Variants in NCF2 observed in about 807,000 individuals in gnomAD.
NCF2 encodes neutrophil cytosolic factor 2, also known as neutrophil cytosol factor 2.
A neutral mutation model predicts 70.9 loss-of-function variants in NCF2; 45 were observed. That is an observed-to-expected ratio of 0.63 (90% CI 0.50 to 0.81). NCF2 has a LOEUF of 0.81. Ranked by LOEUF, NCF2 falls within the 40% of genes least tolerant of loss-of-function variation. NCF2 has a pLI of 0.00. For missense variants in NCF2, 522 were observed against 631.6 expected (o/e 0.83, Z 1.86); for synonymous variants, 203 against 233.6 (o/e 0.87, Z 1.19).
At chr1:183,567,717 C>T (rs891796658) in intron 7 of NCF2, among the ~76,000 whole-genome samples, 4 of 152,064 alleles carry the variant, frequency 2.6e-5, no homozygotes, top group South Asian at 4.1e-4. Context: ...GTCAGGGGAA[C>T]AGCACAAAGC....
At chr1:183,567,426 G>T in intron 7 of NCF2, 81 bp from the exon 8 acceptor site, 1 of 1,581,010 alleles carries the variant, frequency 6.3e-7, no homozygotes, top group Non-Finnish European at 8.6e-7. Context: ...TGGAGCCAGG[G>T]ACTTGGCTCC....
At chr1:183,589,884 T>C (rs992058133) in intron 1 of NCF2, among the ~76,000 whole-genome samples, 5 of 152,030 alleles carry the variant, frequency 3.3e-5, no homozygotes, top group Admixed American at 2.0e-4. Flanking sequence ...TTCACAAAGG[T>C]GTTAAAGACA....
chr1:183,567,110 G>T, intron 8 of NCF2, 94 bp downstream of exon 8: 1 of 1,608,072 alleles, frequency 6.2e-7, no homozygotes, highest in Non-Finnish European at 8.5e-7. Context: ...AACTTGGCTG[G>T]TCTGCAAAGA....
rs187693381 is a variant in NCF2 at position 183,556,368 on chromosome 1, C to G, written c.1469-138G>C. 1,290 of 772,680 alleles carry G rather than the reference C, an allele frequency of 1.7e-3. 13 individuals are homozygous for G. The highest frequency in any genetic ancestry group is 6.4e-3 in the South Asian group (431 of 67,100). The allele number at this position is 772,680 out of a possible 1,614,324, so 47.9% of individuals were successfully genotyped here. ...GATCAACAGGGAAAAGACAGTATTG[C>G]AAAGTGGTTTGAGAGTGAACACAGG... On this transcript the variant is annotated intron_variant, in intron 14 of 14. Coordinates refer to ENST00000367535, the MANE Select transcript of NCF2 (RefSeq NM_000433.4).
intron 2 of NCF2, among the ~76,000 whole-genome samples, chr1:183,584,559 C>T (rs532901316): frequency 5.0e-4 from 76 of 152,300 alleles, no homozygotes; most frequent in African/African-American, 1.7e-3. Flanking sequence ...CTGGGACTCA[C>T]GGGCATTTTT....
intron 10 of NCF2, 139 bp downstream of exon 10, chr1:183,565,565 G>T: frequency 1.2e-6 from 1 of 802,120 alleles, no homozygotes; most frequent in Non-Finnish European, 2.1e-6. Context: ...GGGGATTCTG[G>T]GGCTGCGTGG....
intron 13 of NCF2, among the ~76,000 whole-genome samples, 169 bp downstream of exon 13, chr1:183,563,026 A>G (rs1158664854): frequency 1.3e-5 from 2 of 152,096 alleles, no homozygotes; most frequent in African/African-American, 4.8e-5. Context: ...CCCTGCTGCA[A>G]ATGGGGTGAG....
chr1:183,573,789 C>T (rs1419954738), intron 4 of NCF2, among the ~76,000 whole-genome samples: 1 of 152,214 alleles, frequency 6.6e-6, no homozygotes. Flanking sequence ...CACTCATTCA[C>T]AAAATCAAAA....
chr1:183,557,074 C>T (rs1353993997), intron 14 of NCF2, among the ~76,000 whole-genome samples: 1 of 152,120 alleles, frequency 6.6e-6, no homozygotes, highest in Non-Finnish European at 1.5e-5. Flanking sequence ...AGGCATTGTA[C>T]TTAAAAAATA....
chr1:183,573,288 T>A lies in NCF2; in HGVS notation c.506A>T (p.Gln169Leu). The A allele has an allele frequency of 6.2e-7, 1 of 1,613,984 alleles. No homozygotes were observed. The highest frequency in any genetic ancestry group is 8.5e-7 in the Non-Finnish European group (1 of 1,179,802). The change falls in exon 5 of 15, where the codon CAG becomes CTG. Residue 169 changes from glutamine (Q) to leucine (L), a missense_variant. Transcript: ENST00000367535. The stretch of plus-strand genomic sequence containing the variant: ...GATCACCACTGGCTCATATAGCTTC[T>A]GCTTCTGTAACACAGAAAACGTAGC... ...IDKAMECVWK[Q>L]KLYEPVVIPV... is the part of the protein sequence containing the mutation.
intron 6 of NCF2, among the ~76,000 whole-genome samples, 198 bp downstream of exon 6, chr1:183,570,582 A>T (rs887551317): frequency 6.6e-6 from 1 of 152,210 alleles, no homozygotes; most frequent in Non-Finnish European, 1.5e-5. Flanking sequence ...CTTGGGGTGA[A>T]GCCTGACACT....
Position 183,590,398 on chromosome 1 carries a change from C to A in NCF2, c.-69G>T, listed in dbSNP as rs776937532. 1.5e-5 allele frequency: 23 copies of A among 1,586,008 alleles called. No individual in the cohort carries two copies. In the South Asian group the frequency reaches 2.4e-4, roughly 17 times the overall value. On this transcript the variant is annotated 5_prime_UTR_variant, in exon 1 of 15. Transcript: ENST00000367535. ...GAGAGAAGACAGGTTGGAGCGTCTC[C>A]CCTAGCAGGGCTGCCTTAGTGGCCC...
In NCF2 at chr1:183,569,029, A is replaced by C. The variant is rs1036404416; in HGVS notation, c.713+113T>G. On this transcript the variant is annotated intron_variant, in intron 7 of 14. Transcript: ENST00000367535. ...CTAGAAGAAGCCTGACATTCCAGAA[A>C]ATTCAACAAGATTTAGACCCTGACC... 3.0e-6 allele frequency: 3 copies of C among 1,014,908 alleles called. No individual in the cohort carries two copies. The Admixed American group carries it at 5.4e-5, about 18-fold the overall frequency. 62.9% of individuals were successfully genotyped at this position (1,014,908 alleles called of 1,614,324 possible). A position where few individuals can be genotyped will look rare whatever the true frequency, so the allele number is the denominator to read the frequency against.
chr1:183,590,507 A>G (rs1411831352), upstream of NCF2: 3 of 713,854 alleles, frequency 4.2e-6, no homozygotes, highest in Non-Finnish European at 7.5e-6. Context: ...CAAATGCATC[A>G]GGAAATGTCC....
rs771126735 is a variant in NCF2, at chr1:183,565,781, T to C, written c.925-2A>G. 6.2e-7 allele frequency: 1 copy of C among 1,613,770 alleles called. No homozygotes were observed. Among genetic ancestry groups the C allele is most frequent in the Admixed American group, 1.7e-5 (1 of 60,012 alleles). ...GTCGGACTGCGGAGAGCTTTCCTCCTGAAGGCAACAGGGAGCGACGGTCAG... is the reference window on the plus strand; with the variant it reads ...GTCGGACTGCGGAGAGCTTTCCTCCCGAAGGCAACAGGGAGCGACGGTCAG... On this transcript the variant is annotated splice_acceptor_variant, in intron 9 of 14. Transcript: ENST00000367535. LOFTEE classifies it high-confidence loss of function.
chr1:183,592,312 T>A (rs911187619), upstream of NCF2, among the ~76,000 whole-genome samples: 1 of 152,224 alleles, frequency 6.6e-6, no homozygotes, highest in African/African-American at 2.4e-5. Context: ...GCTCTCTTCT[T>A]TGCCTGGCAA....
chr1:183,567,891 G>A (rs34453439), intron 7 of NCF2, among the ~76,000 whole-genome samples: 102 of 152,260 alleles, frequency 6.7e-4, no homozygotes, highest in African/African-American at 2.2e-3. Context: ...CCCAGCTGCC[G>A]TGGTGCAGTG....
chr1:183,559,704 C>G (rs1671953313), intron 14 of NCF2, among the ~76,000 whole-genome samples: 1 of 152,052 alleles, frequency 6.6e-6, no homozygotes, highest in Non-Finnish European at 1.5e-5. Flanking sequence ...ACTAAATACA[C>G]AAAAATTAGC....
intron 1 of NCF2, among the ~76,000 whole-genome samples, chr1:183,588,177 G>A (rs1387458139): frequency 6.6e-6 from 1 of 152,172 alleles, no homozygotes; most frequent in Non-Finnish European, 1.5e-5. Flanking sequence ...AGTTTTTGGA[G>A]GTGATAATGA....
Sources: gnomAD v4.1 joint callset for allele counts (sites outside exome capture counted in the v4.1 genomes callset) on GRCh38, gnomAD v4.1.1 for gene constraint, MANE v1.5 for transcripts, NCBI Gene and HGNC (gene_info 2026-07-23, HGNC 2026-07-21) for gene names.